MYO7A: variants seen among roughly 807,000 people sequenced by gnomAD.
The protein encoded by MYO7A is unconventional myosin-VIIa.
In MYO7A, 210 loss-of-function variants were observed where a neutral mutation model predicts 263.8. That is an observed-to-expected ratio of 0.80 (90% CI 0.71 to 0.89). The LOEUF is 0.89. Among genes scored for constraint, MYO7A ranks in the 40% least tolerant of loss-of-function variants. The pLI, the probability that MYO7A is intolerant of heterozygous loss-of-function variation, is 0.00. For missense variants in MYO7A, 2,820 were observed against 2,968.3 expected (o/e 0.95, Z 1.16); for synonymous variants, 1,239 against 1,197.3 (o/e 1.03, Z -0.72).
intron 5 of MYO7A, 69 bp downstream of exon 5, chr11:77,156,160 G>A (rs1952443284): frequency 6.5e-7 from 1 of 1,540,542 alleles, no homozygotes; most frequent in South Asian, 1.2e-5. Context: ...CGCTCCTGCT[G>A]ATACCTCTAG....
rs768890752 is a variant in MYO7A, at chr11:77,199,625, C to T, written c.4659C>T (p.Pro1553=). The T allele has an allele frequency of 1.9e-6, 3 of 1,608,748 alleles. No individual in the cohort carries two copies. The highest frequency in any genetic ancestry group is 2.2e-5 in the South Asian group (2 of 89,866). The stretch of plus-strand genomic sequence containing the variant: ...GGGCAGGACTGACCCCGGCGGGGCC[C>T]TGTTCTCCGTGTTGGTCCTGCAGGG... ...SGWAGLTPAG[P]CSPCWSCRGA... The change falls in exon 35 of 49, where the codon CCC becomes CCT. Residue 1553 remains proline, a synonymous_variant. Coordinates refer to ENST00000409709, the MANE Select transcript of MYO7A (RefSeq NM_000260.4).
intron 15 of MYO7A, among the ~76,000 whole-genome samples, chr11:77,172,008 T>C (rs940126788): frequency 6.6e-6 from 1 of 152,210 alleles, no homozygotes; most frequent in Admixed American, 6.5e-5. Context: ...AGGAGGCTGC[T>C]TGTGTGCCTT....
At chr11:77,148,054 C>T (rs1951710270) in intron 4 of MYO7A, 104 bp downstream of exon 4, 2 of 1,084,844 alleles carry the variant, frequency 1.8e-6, no homozygotes, top group Admixed American at 3.3e-5. Flanking sequence ...CCTGCCGGGG[C>T]CCTGCCTCCT....
At position 77,175,471 on chromosome 11, in the gene MYO7A, A is replaced by G; in HGVS notation, c.2187+7A>G. ...AACCAAGATCTTTCTGAAGGTGAGCACAGATGCCTTCCCTGGGCTGCCCTG... is the reference window on the plus strand; with the variant it reads ...AACCAAGATCTTTCTGAAGGTGAGCGCAGATGCCTTCCCTGGGCTGCCCTG... On this transcript the variant is annotated splice_region_variant and intron_variant, in intron 18 of 48. Coordinates refer to ENST00000409709, the MANE Select transcript of MYO7A (RefSeq NM_000260.4). The G allele has an allele frequency of 6.2e-7, 1 of 1,612,642 alleles. No homozygotes were observed. The highest frequency in any genetic ancestry group is 1.3e-5 in the African/African-American group (1 of 75,042).
chr11:77,148,205 G>T (rs1951723544), intron 4 of MYO7A, among the ~76,000 whole-genome samples: 1 of 152,242 alleles, frequency 6.6e-6, no homozygotes, highest in African/African-American at 2.4e-5. Context: ...GTACTACGCA[G>T]TTTTCATGTG....
rs1555065627 is a variant in MYO7A, at chr11:77,158,314, A to G, written c.887A>G (p.Gln296Arg). 1 of 1,612,214 alleles carries G rather than the reference A, an allele frequency of 6.2e-7. No homozygotes were observed. The highest frequency in any genetic ancestry group is 8.5e-7 in the Non-Finnish European group (1 of 1,178,872). The change falls in exon 9 of 49, where the codon CAG becomes CGG. Residue 296 changes from glutamine to arginine, a missense_variant. Physicochemically the swap from Gln to Arg is conservative, Grantham distance 43 (BLOSUM62 1). Transcript: ENST00000409709. Reference protein sequence around the residue: ...CITCEGRVDSQEYANIRSAMK... With the variant: ...CITCEGRVDSREYANIRSAMK... Reference sequence around the variant, plus strand: ...ACCTGTGAGGGCCGGGTGGACAGCCAGGAGTACGCCAACATCCGCTCCGCC... The same window carrying G: ...ACCTGTGAGGGCCGGGTGGACAGCCGGGAGTACGCCAACATCCGCTCCGCC...
chr11:77,131,147 T>C (rs1315439658), intron 2 of MYO7A, among the ~76,000 whole-genome samples: 1 of 152,192 alleles, frequency 6.6e-6, no homozygotes, highest in Non-Finnish European at 1.5e-5. Flanking sequence ...CCCTTCCTAC[T>C]GAGGGCCACA....
intron 33 of MYO7A, 56 bp from the exon 34 acceptor site, chr11:77,198,439 A>G: frequency 6.3e-7 from 1 of 1,594,466 alleles, no homozygotes; most frequent in Non-Finnish European, 8.6e-7. Context: ...TGAGATTGAG[A>G]AGGGCTGGGC....
rs192082474 is a variant in MYO7A, at chr11:77,155,624, C to G, written c.286-283C>G. 2.2e-3 allele frequency among the ~76,000 whole-genome samples: 340 copies of G among 152,338 alleles called. 3 individuals are homozygous for G. Among genetic ancestry groups the G allele is most frequent in the African/African-American group, 6.2e-3 (259 of 41,580 alleles). On this transcript the variant is annotated intron_variant, in intron 4 of 48. Transcript: ENST00000409709. ...CTCCTTTAATCTTCACAAACAGTTA[C>G]GCTCATTTTACAGATGAAGAGAAGG...
chr11:77,213,085 A>T lies in MYO7A; in HGVS notation c.6438+50A>T, dbSNP rs2276289. On this transcript the variant is annotated intron_variant, in intron 47 of 48. Coordinates refer to ENST00000409709, the MANE Select transcript of MYO7A (RefSeq NM_000260.4). ...GGGGGCGGGCTTCTCTGCCTGAACCACAGACACGGTCCCAGAACGAACCCC... is the reference window on the plus strand; with the variant it reads ...GGGGGCGGGCTTCTCTGCCTGAACCTCAGACACGGTCCCAGAACGAACCCC... 0.94 allele frequency: 1,350,510 copies of T among 1,435,954 alleles called. 639,293 individuals are homozygous for T. Among genetic ancestry groups the T allele is most frequent in the Non-Finnish European group, 0.97 (1,011,474 of 1,042,624 alleles). 89.0% of individuals were successfully genotyped at this position (1,435,954 alleles called of 1,614,324 possible).
intron 2 of MYO7A, among the ~76,000 whole-genome samples, chr11:77,139,203 G>A (rs1951056920): frequency 6.6e-6 from 1 of 152,252 alleles, no homozygotes; most frequent in Non-Finnish European, 1.5e-5. Flanking sequence ...TAGTGGTGGA[G>A]CTGGGACTAT....
At chr11:77,130,743 G>A in intron 2 of MYO7A, 91 bp downstream of exon 2, 1 of 1,446,066 alleles carries the variant, frequency 6.9e-7, no homozygotes, top group Non-Finnish European at 9.5e-7. Context: ...TCCCCAGGGT[G>A]TTCTCTTGGA....
chr11:77,190,957 GC>G (rs1401507923), intron 30 of MYO7A, 87 bp downstream of exon 30: 9 of 1,390,420 alleles, frequency 6.5e-6, no homozygotes, highest in Non-Finnish European at 8.8e-6. Flanking sequence ...ACTTGCCGGG[GC>G]TATTCACCCT....
chr11:77,182,536 T>C lies in MYO7A; in HGVS notation c.3221T>C (p.Ile1074Thr). The change falls in exon 25 of 49, where the codon ATT becomes ACT. Residue 1074 changes from isoleucine to threonine, a missense_variant. Transcript: ENST00000409709. ...GSEKIPVMTKIYETLGKKTYK... is the reference protein window; with the variant it reads ...GSEKIPVMTKTYETLGKKTYK... ...GAGAAGATCCCTGTGATGACCAAGA[T>C]TTATGAGACCCTGGGCAAGAAGACG... The C allele has an allele frequency of 6.2e-7, 1 of 1,613,292 alleles. No individual in the cohort carries two copies. The highest frequency in any genetic ancestry group is 8.5e-7 in the Non-Finnish European group (1 of 1,179,822).
rs562742694 is a variant in MYO7A at position 77,203,271 on chromosome 11, C to T, written c.5326+54C>T. ...GGAGCCAGGGACCGGGCAGGGCCTTCGTCTGCACACTGCCTTCCTCCTGAG... is the reference window on the plus strand; with the variant it reads ...GGAGCCAGGGACCGGGCAGGGCCTTTGTCTGCACACTGCCTTCCTCCTGAG... On this transcript the variant is annotated intron_variant, in intron 38 of 48. Coordinates refer to ENST00000409709, the MANE Select transcript of MYO7A (RefSeq NM_000260.4). The T allele has an allele frequency of 1.6e-4, 248 of 1,524,438 alleles. 1 individual carries two copies. The South Asian group carries it at 2.9e-3, about 18-fold the overall frequency. The allele number at this position is 1,524,438 out of a possible 1,614,324, so 94.4% of individuals were successfully genotyped here.
At chr11:77,184,563 G>A in intron 26 of MYO7A, 25 bp from the exon 27 acceptor site, 1 of 1,551,720 alleles carries the variant, frequency 6.4e-7, no homozygotes. Flanking sequence ...AACTTTACCT[G>A]CCCTGTCCTC....
chr11:77,172,553 C>T (rs1357372718), intron 15 of MYO7A, among the ~76,000 whole-genome samples, 195 bp from the exon 16 acceptor site: 3 of 152,160 alleles, frequency 2.0e-5, no homozygotes, highest in African/African-American at 7.2e-5. Flanking sequence ...TGGGAGGCTT[C>T]CTGGAGGAGG....
chr11:77,198,733 G>C, intron 34 of MYO7A, 112 bp downstream of exon 34: 1 of 1,495,780 alleles, frequency 6.7e-7, no homozygotes, highest in Non-Finnish European at 9.0e-7. Flanking sequence ...CTGGTTGCAC[G>C]TGATTGGGCA....
chr11:77,183,193 G>T, intron 26 of MYO7A, 36 bp downstream of exon 26: 1 of 1,527,502 alleles, frequency 6.5e-7, no homozygotes, highest in South Asian at 1.2e-5. Flanking sequence ...CAGCCCAGGG[G>T]TGGCTGCCTT....
Sources: allele counts gnomAD v4.1 joint callset (sites outside exome capture counted in the v4.1 genomes callset), GRCh38; gene constraint gnomAD v4.1.1; transcripts MANE v1.5; gene names NCBI Gene and HGNC (gene_info 2026-07-23, HGNC 2026-07-21).